Variants in SGCZ observed in about 807,000 individuals in gnomAD.
SGCZ encodes sarcoglycan zeta.
In SGCZ, 40 loss-of-function variants were observed where a neutral mutation model predicts 41.3. The ratio of observed to expected loss-of-function variants is 0.97; its 90% CI spans 0.75 to 1.26. SGCZ has a LOEUF of 1.26. SGCZ is among the 50% of genes most tolerant of loss of function. The pLI, the probability that SGCZ is intolerant of heterozygous loss-of-function variation, is 0.00. For synonymous variants in SGCZ, 206 were observed against 137.5 expected, an observed-to-expected ratio of 1.50 and a Z score of -3.49; for missense variants, 552 against 369.8, an observed-to-expected ratio of 1.49 and a Z score of -4.04.
At chr8:15,114,973 C>T (rs1187298421) in intron 1 of SGCZ, among the ~76,000 whole-genome samples, 1 of 151,924 alleles carries the variant, frequency 6.6e-6, no homozygotes, top group African/African-American at 2.4e-5. Flanking sequence ...GATGTGCAAG[C>T]AAGCTTACAA....
chr8:14,738,922 G>A (rs186510056), intron 1 of SGCZ, among the ~76,000 whole-genome samples: 62 of 152,160 alleles, frequency 4.1e-4, no homozygotes, highest in African/African-American at 1.4e-3. Flanking sequence ...CTCTCTCTGG[G>A]AGGAAGAACC....
intron 2 of SGCZ, among the ~76,000 whole-genome samples, chr8:14,546,212 G>A (rs1002921326): frequency 9.2e-5 from 14 of 152,252 alleles, no homozygotes; most frequent in South Asian, 6.2e-4. Context: ...GCTGGTGCTC[G>A]CAGGCAGAGC....
intron 1 of SGCZ, among the ~76,000 whole-genome samples, chr8:14,847,280 T>C (rs1803164798): frequency 6.6e-6 from 1 of 152,154 alleles, no homozygotes; most frequent in Non-Finnish European, 1.5e-5. Flanking sequence ...ATTACCCTGA[T>C]ATGCTGATAT....
At position 14,087,869 on chromosome 8, in the gene SGCZ, A is replaced by G. The variant is rs1406711098; in HGVS notation, c.*2574T>C. ...ACAGCTAGTCAGATAACTTAAAGCAATTATTTGGTGTTGAATAGGAAAGCC... is the reference window on the plus strand; with the variant it reads ...ACAGCTAGTCAGATAACTTAAAGCAGTTATTTGGTGTTGAATAGGAAAGCC... On this transcript the variant is annotated 3_prime_UTR_variant, in exon 8 of 8. Transcript: ENST00000382080. Among the ~76,000 whole-genome samples the G allele has an allele frequency of 6.6e-6, 1 of 151,690 alleles. No homozygotes were observed. The highest frequency in any genetic ancestry group is 1.9e-4 in the East Asian group (1 of 5,134).
intron 1 of SGCZ, among the ~76,000 whole-genome samples, chr8:14,590,026 G>C (rs1805190333): frequency 6.6e-6 from 1 of 151,948 alleles, no homozygotes; most frequent in African/African-American, 2.4e-5. Context: ...CTGAATAGTA[G>C]GTTTTCCTTC....
chr8:14,441,385 T>C (rs12155579), intron 2 of SGCZ, among the ~76,000 whole-genome samples: 39,685 of 151,818 alleles, frequency 0.26, 5,596 homozygotes, highest in Non-Finnish European at 0.32. Flanking sequence ...GGCCATCCTG[T>C]CCAACATGGT....
chr8:14,829,075 A>G (rs546208902), intron 1 of SGCZ, among the ~76,000 whole-genome samples: 1 of 152,060 alleles, frequency 6.6e-6, no homozygotes, highest in South Asian at 2.1e-4. Flanking sequence ...ACCTTTGTGT[A>G]ACAAAGGTTT....
At chr8:14,254,006 A>C (rs1799377807) in intron 3 of SGCZ, among the ~76,000 whole-genome samples, 1 of 152,222 alleles carries the variant, frequency 6.6e-6, no homozygotes, top group Non-Finnish European at 1.5e-5. Flanking sequence ...AAACATATTT[A>C]TGCTTGTATT....
chr8:14,547,654 T>C (rs1026764379), intron 2 of SGCZ, among the ~76,000 whole-genome samples: 2 of 152,162 alleles, frequency 1.3e-5, no homozygotes, highest in Non-Finnish European at 2.9e-5. Flanking sequence ...ACTCACTTAA[T>C]GCTTCGAATA....
At chr8:14,186,342 T>C (rs1804900954) in intron 4 of SGCZ, among the ~76,000 whole-genome samples, 2 of 152,246 alleles carry the variant, frequency 1.3e-5, no homozygotes, top group African/African-American at 4.8e-5. Context: ...AATCTCTCTA[T>C]TTCCTTCCCA....
chr8:14,839,259 T>C (rs1404471977), intron 1 of SGCZ, among the ~76,000 whole-genome samples: 1 of 151,928 alleles, frequency 6.6e-6, no homozygotes, highest in African/African-American at 2.4e-5. Context: ...GAGAAAAAAA[T>C]ATGAACGATC....
chr8:14,215,092 T>G (rs1292966754), intron 4 of SGCZ, among the ~76,000 whole-genome samples: 1 of 152,130 alleles, frequency 6.6e-6, no homozygotes, highest in Non-Finnish European at 1.5e-5. Context: ...CATAGAACCT[T>G]CATCAAATAA....
chr8:14,441,072 C>T (rs770492014), intron 2 of SGCZ, among the ~76,000 whole-genome samples: 2 of 152,100 alleles, frequency 1.3e-5, no homozygotes, highest in African/African-American at 2.4e-5. Context: ...CAGGGGTGCA[C>T]TGATACAGGA....
chr8:15,140,595 C>A (rs1808283465), intron 1 of SGCZ, among the ~76,000 whole-genome samples: 2 of 152,140 alleles, frequency 1.3e-5, no homozygotes, highest in Middle Eastern at 3.4e-3. Context: ...CCAAAAATGA[C>A]CCATATTATT....
At chr8:15,008,329 T>C (rs1370446171) in intron 1 of SGCZ, among the ~76,000 whole-genome samples, 1 of 151,916 alleles carries the variant, frequency 6.6e-6, no homozygotes, top group Non-Finnish European at 1.5e-5. Flanking sequence ...GGTTGTGATA[T>C]TTTCATTGTT....
At chr8:14,236,556 T>C (rs1410503672) in intron 4 of SGCZ, among the ~76,000 whole-genome samples, 3 of 151,870 alleles carry the variant, frequency 2.0e-5, no homozygotes, top group African/African-American at 2.4e-5. Context: ...ATTGGAAATA[T>C]ACATTTGCAT....
chr8:15,054,761 T>A lies in SGCZ; in HGVS notation c.39+182824A>T, dbSNP rs1804642871. On this transcript the variant is annotated intron_variant, in intron 1 of 7. Coordinates refer to ENST00000382080, the MANE Select transcript of SGCZ (RefSeq NM_139167.4). The stretch of plus-strand genomic sequence containing the variant: ...CGAGGTCAGGAGATCAAGACCATCC[T>A]GGCTAACACGGTGAAACCCCGTCTC... 3.3e-5 allele frequency among the ~76,000 whole-genome samples: 5 copies of A among 151,606 alleles called. No homozygotes were observed. In the South Asian group the frequency reaches 1.0e-3, roughly 32 times the overall value.
chr8:14,145,459 G>A (rs1803492184), intron 5 of SGCZ, among the ~76,000 whole-genome samples: 1 of 152,130 alleles, frequency 6.6e-6, no homozygotes, highest in Non-Finnish European at 1.5e-5. Context: ...AAGTCTTCCA[G>A]AGAAGAATGG....
At chr8:14,727,465 C>A (rs73529257) in intron 1 of SGCZ, among the ~76,000 whole-genome samples, 9,921 of 151,710 alleles carry the variant, frequency 0.065, 972 homozygotes, top group African/African-American at 0.21. Flanking sequence ...TGACCCAACA[C>A]TTTCACTCTT....
Sources: gnomAD v4.1 joint callset for allele counts (sites outside exome capture counted in the v4.1 genomes callset) on GRCh38, gnomAD v4.1.1 for gene constraint, MANE v1.5 for transcripts, NCBI Gene and HGNC (gene_info 2026-07-23, HGNC 2026-07-21) for gene names.